Variants in FAM221A observed in about 807,000 individuals in gnomAD.
The protein encoded by FAM221A is family with sequence similarity 221 member A, also known as protein FAM221A.
Under a neutral mutation model 37.6 loss-of-function variants are expected in FAM221A, and 43 were observed. That is an observed-to-expected ratio of 1.15 (90% CI 0.90 to 1.48). The LOEUF (loss-of-function observed/expected upper bound fraction) is 1.48. Among genes scored for constraint, FAM221A ranks in the 40% most tolerant of loss-of-function variants. FAM221A has a pLI of 0.00. For synonymous variants in FAM221A, 135 were observed against 132.9 expected (o/e 1.02, Z -0.11); for missense variants, 361 against 361.5 (o/e 1.00, Z 0.01).
intron 3 of FAM221A, among the ~76,000 whole-genome samples, 194 bp from the exon 4 acceptor site, chr7:23,691,196 C>A (rs1363576984): frequency 6.8e-6 from 1 of 146,564 alleles, no homozygotes; most frequent in African/African-American, 2.5e-5. Flanking sequence ...TTTTTTTTTT[C>A]TGTGTTGTAT....
chr7:23,685,042 G>A (rs917278827), intron 2 of FAM221A, among the ~76,000 whole-genome samples: 6 of 152,334 alleles, frequency 3.9e-5, no homozygotes, highest in Non-Finnish European at 8.8e-5. Context: ...GAGGTCAGGA[G>A]TTTGAGACCA....
At chr7:23,683,593 C>T (rs2191305) in intron 1 of FAM221A, among the ~76,000 whole-genome samples, 67,471 of 152,004 alleles carry the variant, frequency 0.44, 15,812 homozygotes, top group South Asian at 0.67. Context: ...AAAGCTGAGA[C>T]GAATATGTGG....
At chr7:23,700,694 T>C (rs758902226) in intron 5 of FAM221A, 92 bp from the exon 6 acceptor site, 11 of 768,584 alleles carry the variant, frequency 1.4e-5, no homozygotes, top group Non-Finnish European at 2.3e-5. Context: ...AATAAAACAT[T>C]ATCACCGAGC....
At chr7:23,698,114 T>C in intron 4 of FAM221A, 78 bp from the exon 5 acceptor site, 1 of 831,462 alleles carries the variant, frequency 1.2e-6, no homozygotes, top group Non-Finnish European at 2.0e-6. Flanking sequence ...GGTTCCAATT[T>C]ATTTTACATT....
chr7:23,698,553 G>C (rs1405068910), intron 5 of FAM221A, among the ~76,000 whole-genome samples: 1 of 152,196 alleles, frequency 6.6e-6, no homozygotes, highest in African/African-American at 2.4e-5. Flanking sequence ...TTTAAACCTT[G>C]TTCTGGTACA....
chr7:23,684,741 A>C, intron 2 of FAM221A, 69 bp downstream of exon 2: 1 of 1,347,800 alleles, frequency 7.4e-7, no homozygotes, highest in Non-Finnish European at 1.0e-6. Flanking sequence ...TTACTTCTAC[A>C]AATCGTAATG....
chr7:23,701,236 CTCTTTTTTTTTTTTT>C (rs1785417367), intron 6 of FAM221A, among the ~76,000 whole-genome samples: 1 of 72,746 alleles, frequency 1.4e-5, no homozygotes, highest in South Asian at 5.9e-4. Context: ...ATTTTGAATT[CTCTTTTTTTTTTTTT>C]TTTTTTGAGA....
rs1158479485 is a variant in FAM221A at position 23,680,240 on chromosome 7, C to T, written c.22C>T (p.Leu8Phe). MERLTLP[L>F]GGAAAVDEYL... ...GGCAATGGAGCGGTTGACGTTGCCT[C>T]TCGGCGGCGCGGCGGCGGTGGACGA... Residue 8 changes from leucine (L) to phenylalanine (F), a missense_variant, in exon 1 of 7, where the codon CTC becomes TTC. Physicochemically the swap from Leu to Phe is conservative, Grantham distance 22. Transcript: ENST00000344962. The T allele has an allele frequency of 1.3e-6, 2 of 1,549,574 alleles. No individual in the cohort carries two copies. Among genetic ancestry groups the T allele is most frequent in the Non-Finnish European group, 1.7e-6 (2 of 1,146,142 alleles).
chr7:23,685,606 C>G (rs983690996), intron 2 of FAM221A, among the ~76,000 whole-genome samples: 1 of 152,214 alleles, frequency 6.6e-6, no homozygotes, highest in Admixed American at 6.5e-5. Context: ...CATTTCTCCT[C>G]AAATTTACTA....
chr7:23,692,087 A>G (rs1784786341), intron 4 of FAM221A: 2 of 444,956 alleles, frequency 4.5e-6, no homozygotes, highest in Non-Finnish European at 3.0e-6. Context: ...TAAAATATGT[A>G]TATATGTATG....
intron 6 of FAM221A, among the ~76,000 whole-genome samples, chr7:23,701,353 CT>C (rs1355440979): frequency 2.7e-5 from 4 of 150,490 alleles, no homozygotes; most frequent in Non-Finnish European, 5.9e-5. Context: ...CATTCTCCTG[CT>C]TCAGCCTCCC....
Position 23,684,613 on chromosome 7 carries a change from A to G in FAM221A, c.180A>G (p.Ser60=). ...ACAGATTATTTGTGAGCTGGCGGTC[A>G]CCAACAGGGATGGATTGTAAACTTG... The part of the protein sequence containing the change: ...LQNRLFVSWR[S]PTGMDCKLVG... Residue 60 remains serine (S), a synonymous_variant, in exon 2 of 7, where the codon TCA becomes TCG. Transcript: ENST00000344962. The G allele has an allele frequency of 6.2e-7, 1 of 1,614,222 alleles. No homozygotes were observed. The highest frequency in any genetic ancestry group is 8.5e-7 in the Non-Finnish European group (1 of 1,180,026).
downstream of FAM221A, chr7:23,703,186 C>G (rs1785555462): frequency 6.6e-6 from 1 of 152,244 alleles, no homozygotes; most frequent in African/African-American, 2.4e-5. Flanking sequence ...TCCTTTTCCA[C>G]TCCTCTACCC....
At position 23,691,459 on chromosome 7, in the gene FAM221A, C is replaced by T. The variant is rs778953504; in HGVS notation, c.500C>T (p.Thr167Ile). The T allele has an allele frequency of 1.9e-6, 3 of 1,614,202 alleles. No homozygotes were observed. In the South Asian group the frequency reaches 3.3e-5, roughly 18 times the overall value. ...ACGQPAYAHD[T>I]VVETKQERLA... Reference sequence around the variant, plus strand: ...GGTCAGCCTGCATATGCCCATGACACAGTAGTGGAAACTAAGCAAGAAAGA... The same window carrying T: ...GGTCAGCCTGCATATGCCCATGACATAGTAGTGGAAACTAAGCAAGAAAGA... The change falls in exon 4 of 7, where the codon ACA (threonine) becomes ATA (isoleucine). Residue 167 changes from threonine (T) to isoleucine (I), a missense_variant. Thr to Ile is a moderately conservative substitution (Grantham distance 89, BLOSUM62 -1). Coordinates refer to ENST00000344962, the MANE Select transcript of FAM221A (RefSeq NM_199136.5).
At chr7:23,698,798 A>G (rs1785219686) in intron 5 of FAM221A, among the ~76,000 whole-genome samples, 1 of 152,244 alleles carries the variant, frequency 6.6e-6, no homozygotes, top group Admixed American at 6.5e-5. Context: ...ATTTTAGAAT[A>G]TTTTAAAATG....
chr7:23,696,002 C>T (rs1403211085), intron 4 of FAM221A, among the ~76,000 whole-genome samples: 1 of 152,070 alleles, frequency 6.6e-6, no homozygotes, highest in Non-Finnish European at 1.5e-5. Context: ...TAGTCATGTG[C>T]CACTAAATGA....
intron 1 of FAM221A, among the ~76,000 whole-genome samples, chr7:23,682,443 T>TGTTA (rs1253601124): frequency 4.1e-5 from 6 of 145,894 alleles, no homozygotes; most frequent in Admixed American, 1.4e-4. Context: ...ATTATTATTT[T>TGTTA]TTTTTTTAGA....
chr7:23,685,343 A>G (rs1173621973), intron 2 of FAM221A, among the ~76,000 whole-genome samples: 1 of 152,216 alleles, frequency 6.6e-6, no homozygotes. Flanking sequence ...TAAAGCTATA[A>G]TTAAAAATTT....
In FAM221A at chr7:23,701,236, CTCT is replaced by C. The variant is rs1562531405; in HGVS notation, c.828+370_828+372del. Reference sequence around the variant, plus strand: ...ATAAAGATTGAATATATTTTGAATTCTCTTTTTTTTTTTTTTTTTTTGAGACGG... The same window carrying C: ...ATAAAGATTGAATATATTTTGAATTCTTTTTTTTTTTTTTTTTTGAGACGG... On this transcript the variant is annotated intron_variant, in intron 6 of 6. Coordinates refer to ENST00000344962, the MANE Select transcript of FAM221A (RefSeq NM_199136.5). 1.5e-4 allele frequency among the ~76,000 whole-genome samples: 11 copies of C among 72,742 alleles called. 3 individuals are homozygous for C. Among genetic ancestry groups the C allele is most frequent in the Non-Finnish European group, 9.0e-5 (3 of 33,446 alleles). The allele number at this position is 72,742 out of a possible 152,430, so 47.7% of individuals were successfully genotyped here.
Sources: allele counts gnomAD v4.1 joint callset (sites outside exome capture counted in the v4.1 genomes callset), GRCh38; gene constraint gnomAD v4.1.1; transcripts MANE v1.5; gene names NCBI Gene and HGNC (gene_info 2026-07-23, HGNC 2026-07-21).